Variants in BTG4 observed in about 807,000 individuals in gnomAD.
BTG4 encodes the protein protein BTG4.
BTG4 carries 10 observed loss-of-function variants against 19.3 expected under a neutral mutation model. The observed-to-expected ratio is 0.52, with a 90% CI of 0.32 to 0.88. The LOEUF is 0.88. BTG4 is among the 40% of genes least tolerant of loss of function. The pLI, the probability that BTG4 is intolerant of heterozygous loss-of-function variation, is 0.04. For missense variants in BTG4, 238 were observed against 281.9 expected (o/e 0.84, Z 1.11); for synonymous variants, 91 against 95.7 (o/e 0.95, Z 0.29).
At chr11:111,454,969 C>T in the BTG4 span, 15 of 456,334 alleles carry the variant, frequency 3.3e-5, no homozygotes, top group African/African-American at 4.0e-5. Flanking sequence ...ACAGCTCAAA[C>T]TCCTCTACCT....
chr11:111,474,161 G>A (rs919805465), intron 5 of BTG4, among the ~76,000 whole-genome samples: 1 of 152,114 alleles, frequency 6.6e-6, no homozygotes, highest in East Asian at 1.9e-4. Flanking sequence ...TTTATTTAAA[G>A]TTATTGCCAG....
At chr11:111,389,425 C>T in the BTG4 span, among the ~76,000 whole-genome samples, 8 of 152,238 alleles carry the variant, frequency 5.3e-5, no homozygotes, top group African/African-American at 1.7e-4. Context: ...TAAGGATTAA[C>T]TCTACCTGAG....
At chr11:111,395,753 A>G in the BTG4 span, among the ~76,000 whole-genome samples, 1 of 152,212 alleles carries the variant, frequency 6.6e-6, no homozygotes, top group Admixed American at 6.5e-5. Flanking sequence ...TGGCTTCCCT[A>G]GCCCTCAGTC....
the BTG4 span, among the ~76,000 whole-genome samples, chr11:111,392,172 T>TTC: frequency 1.8e-5 from 2 of 110,218 alleles, no homozygotes; most frequent in African/African-American, 7.1e-5. Flanking sequence ...TGATTTTCTT[T>TTC]TTTTTTTTTT....
chr11:111,413,871 AT>A, the BTG4 span, among the ~76,000 whole-genome samples: 1 of 152,190 alleles, frequency 6.6e-6, no homozygotes, highest in Non-Finnish European at 1.5e-5. Flanking sequence ...AACATGGCAA[AT>A]TTGGCCCTGA....
At chr11:111,489,678 T>G (rs116732152) in intron 5 of BTG4, among the ~76,000 whole-genome samples, 2,552 of 151,740 alleles carry the variant, frequency 0.017, 69 homozygotes, top group African/African-American at 0.059. Context: ...TCATAAAAAA[T>G]AATAAAATCC....
intron 5 of BTG4, among the ~76,000 whole-genome samples, chr11:111,484,289 G>A (rs143460114): frequency 6.6e-5 from 10 of 152,166 alleles, no homozygotes; most frequent in South Asian, 2.1e-4. Flanking sequence ...AAAATTACTC[G>A]TAAAAGTACA....
chr11:111,409,521 T>G, the BTG4 span, among the ~76,000 whole-genome samples: 3 of 152,204 alleles, frequency 2.0e-5, no homozygotes, highest in Admixed American at 1.3e-4. Context: ...ACTTCCTCTT[T>G]GACCTTCTCT....
chr11:111,487,719 C>A (rs1865151501), intron 5 of BTG4, among the ~76,000 whole-genome samples: 3 of 152,080 alleles, frequency 2.0e-5, no homozygotes, highest in Non-Finnish European at 4.4e-5. Flanking sequence ...CCTAAAGACT[C>A]CACACCAAAA....
chr11:111,490,371 C>T (rs1332761697), downstream of BTG4, among the ~76,000 whole-genome samples: 1 of 151,848 alleles, frequency 6.6e-6, no homozygotes, highest in African/African-American at 2.4e-5. Context: ...CCCCAATTAC[C>T]ATGATTTATA....
At chr11:111,423,641 T>C in the BTG4 span, among the ~76,000 whole-genome samples, 5 of 152,156 alleles carry the variant, frequency 3.3e-5, no homozygotes, top group Non-Finnish European at 5.9e-5. Flanking sequence ...TCGATATCAA[T>C]GACAATAAAT....
the BTG4 span, chr11:111,455,570 G>A: frequency 7.4e-6 from 2 of 268,592 alleles, no homozygotes; most frequent in Non-Finnish European, 1.6e-5. Context: ...TGAAAGCACA[G>A]ATGGGCTCCA....
intron 4 of BTG4, chr11:111,496,486 CAAT>C (rs1044411832): frequency 6.6e-6 from 1 of 151,976 alleles, no homozygotes; most frequent in African/African-American, 2.4e-5. Flanking sequence ...GAATATCTGC[CAAT>C]AATAAGTTAC....
At chr11:111,429,696 C>T in the BTG4 span, among the ~76,000 whole-genome samples, 51,091 of 152,038 alleles carry the variant, frequency 0.34, 8,625 homozygotes, top group African/African-American at 0.36. Context: ...ATAAGAGAAA[C>T]GGGGCCACAC....
intron 5 of BTG4, among the ~76,000 whole-genome samples, chr11:111,472,409 G>C (rs941034677): frequency 2.6e-5 from 4 of 152,204 alleles, no homozygotes; most frequent in African/African-American, 7.2e-5. Context: ...GGCAATACCT[G>C]GAGATGTTTT....
At chr11:111,394,061 GA>G in the BTG4 span, among the ~76,000 whole-genome samples, 1 of 152,228 alleles carries the variant, frequency 6.6e-6, no homozygotes, top group Non-Finnish European at 1.5e-5. Context: ...GATACTGCAT[GA>G]AAAGGCACAT....
chr11:111,461,516 G>A, the BTG4 span, among the ~76,000 whole-genome samples: 2 of 152,124 alleles, frequency 1.3e-5, no homozygotes, highest in Non-Finnish European at 2.9e-5. Context: ...AGGTCAGGAG[G>A]TCAAGACCAG....
chr11:111,451,413 T>C, the BTG4 span: 1 of 453,536 alleles, frequency 2.2e-6, no homozygotes, highest in Non-Finnish European at 4.5e-6. Flanking sequence ...GAAGATGGTT[T>C]GTCTACGATA....
chr11:111,484,585 T>G (rs921347887), intron 5 of BTG4, among the ~76,000 whole-genome samples: 1 of 152,120 alleles, frequency 6.6e-6, no homozygotes, highest in African/African-American at 2.4e-5. Flanking sequence ...CATTTTTAAA[T>G]TGGTTAATAA....
Sources: gnomAD v4.1 joint callset for allele counts (sites outside exome capture counted in the v4.1 genomes callset) on GRCh38, gnomAD v4.1.1 for gene constraint, MANE v1.5 for transcripts, NCBI Gene and HGNC (gene_info 2026-07-23, HGNC 2026-07-21) for gene names.